The following DOCK2 variants were observed in gnomAD, a reference collection of about 807,000 sequenced individuals.
The protein encoded by DOCK2 is dedicator of cytokinesis 2, also known as dedicator of cytokinesis protein 2.
A neutral mutation model predicts 248.9 loss-of-function variants in DOCK2; 87 were observed. The observed-to-expected ratio is 0.35, with a 90% CI of 0.29 to 0.42. The LOEUF is 0.42. Among genes scored for constraint, DOCK2 ranks in the 10% least tolerant of loss-of-function variants. The pLI, the probability that DOCK2 is intolerant of heterozygous loss-of-function variation, is 1.00. For missense variants in DOCK2, 1,747 were observed against 2,300.2 expected, an observed-to-expected ratio of 0.76 and a Z score of 4.92; for synonymous variants, 805 against 821.6, an observed-to-expected ratio of 0.98 and a Z score of 0.35.
chr5:169,900,661 T>G (rs1047512289), intron 27 of DOCK2, among the ~76,000 whole-genome samples: 1 of 152,222 alleles, frequency 6.6e-6, no homozygotes, highest in African/African-American at 2.4e-5. Flanking sequence ...ATTAGCAGTA[T>G]TACATGCTTT....
At chr5:170,071,489 G>A (rs749483536) in intron 46 of DOCK2, among the ~76,000 whole-genome samples, 6 of 152,184 alleles carry the variant, frequency 3.9e-5, no homozygotes, top group Non-Finnish European at 5.9e-5. Flanking sequence ...CAGATTTCAA[G>A]ATCGATAGCT....
chr5:170,050,812 G>A (rs949503031), intron 41 of DOCK2, among the ~76,000 whole-genome samples: 1 of 152,104 alleles, frequency 6.6e-6, no homozygotes, highest in African/African-American at 2.4e-5. Context: ...TCAATACATT[G>A]TAAATGTTGC....
chr5:169,773,808 T>C (rs1463719626), intron 25 of DOCK2, among the ~76,000 whole-genome samples: 2 of 152,182 alleles, frequency 1.3e-5, no homozygotes, highest in East Asian at 1.9e-4. Flanking sequence ...GATAATTGAA[T>C]CATGGGGGCA....
At chr5:169,789,614 G>C (rs1327994254) in intron 25 of DOCK2, among the ~76,000 whole-genome samples, 4 of 152,084 alleles carry the variant, frequency 2.6e-5, no homozygotes, top group Admixed American at 6.6e-5. Context: ...TTTTATTGCT[G>C]TAGAGTCCAA....
At chr5:170,036,458 G>T in intron 35 of DOCK2, 57 bp from the exon 36 acceptor site, 5 of 1,558,006 alleles carry the variant, frequency 3.2e-6, no homozygotes, top group South Asian at 1.1e-5. Flanking sequence ...CCACACCCTT[G>T]ACCGCTGTGA....
chr5:169,990,102 T>C (rs1001326664), intron 29 of DOCK2, among the ~76,000 whole-genome samples: 4 of 151,382 alleles, frequency 2.6e-5, no homozygotes, highest in African/African-American at 4.9e-5. Context: ...TTTTTTTTCT[T>C]CTTCTTTTTC....
chr5:169,996,464 C>CT (rs530299605), intron 30 of DOCK2, among the ~76,000 whole-genome samples: 5 of 152,038 alleles, frequency 3.3e-5, no homozygotes, highest in Non-Finnish European at 5.9e-5. Context: ...AATGTATCAC[C>CT]TTTTTTTTAC....
chr5:169,846,651 T>C (rs1326205964), intron 27 of DOCK2, among the ~76,000 whole-genome samples: 4 of 151,410 alleles, frequency 2.6e-5, no homozygotes, highest in African/African-American at 2.4e-5. Context: ...TGTACATATA[T>C]ACACACACAT....
chr5:169,920,234 C>T (rs557774622), intron 27 of DOCK2, among the ~76,000 whole-genome samples: 1 of 151,936 alleles, frequency 6.6e-6, no homozygotes, highest in Non-Finnish European at 1.5e-5. Flanking sequence ...ATTGCTGGCA[C>T]CATAATAATG....
intron 27 of DOCK2, among the ~76,000 whole-genome samples, chr5:169,925,550 AGCCTGG>A (rs1775395298): frequency 1.5e-5 from 2 of 136,146 alleles, no homozygotes; most frequent in South Asian, 5.1e-4. Context: ...ACTGAACTCC[AGCCTGG>A]GCGACAGAGC....
chr5:169,822,165 A>G (rs1007819805), intron 26 of DOCK2, among the ~76,000 whole-genome samples: 1 of 152,218 alleles, frequency 6.6e-6, no homozygotes, highest in Non-Finnish European at 1.5e-5. Flanking sequence ...ACACAATAAT[A>G]ATGGGAGACT....
At chr5:169,743,943 A>G (rs113520126) in intron 22 of DOCK2, among the ~76,000 whole-genome samples, 5,178 of 149,812 alleles carry the variant, frequency 0.035, 114 homozygotes, top group African/African-American at 0.058. Flanking sequence ...ATATATATAT[A>G]TGTACTTTTC....
intron 22 of DOCK2, among the ~76,000 whole-genome samples, chr5:169,720,105 C>A (rs1762112535): frequency 6.6e-6 from 1 of 152,296 alleles, no homozygotes; most frequent in Middle Eastern, 3.4e-3. Context: ...AACAAATGCA[C>A]TTAGGTCATT....
At chr5:169,680,933 G>GTTAT (rs1383549491) in intron 6 of DOCK2, among the ~76,000 whole-genome samples, 2 of 151,494 alleles carry the variant, frequency 1.3e-5, no homozygotes, top group Non-Finnish European at 2.9e-5. Context: ...TTGTTTTATT[G>GTTAT]TTATTTATTT....
chr5:169,749,444 G>A (rs929164748), intron 23 of DOCK2, among the ~76,000 whole-genome samples: 4 of 152,092 alleles, frequency 2.6e-5, no homozygotes, highest in Middle Eastern at 3.4e-3. Context: ...TATTCTGAGT[G>A]TTGAAAACAC....
Position 170,056,744 on chromosome 5 carries a change from C to A in DOCK2, c.4356C>A (p.Thr1452=). The change falls in exon 43 of 52, where the codon ACC becomes ACA. Residue 1452 remains threonine (T), a synonymous_variant. Coordinates refer to ENST00000520908, the MANE Select transcript of DOCK2 (RefSeq NM_004946.3). ...ACTCCCGGCCCGTGCGCAGGGGGAC[C>A]GTAGACCCAGAGAATGAGTTTGCTG... The part of the protein sequence containing the change: ...FHYSRPVRRG[T]VDPENEFASM... The A allele has an allele frequency of 1.9e-6, 3 of 1,614,000 alleles. No individual in the cohort carries two copies. Among genetic ancestry groups the A allele is most frequent in the Non-Finnish European group, 1.7e-6 (2 of 1,179,938 alleles).
chr5:169,819,788 C>A (rs1001514360), intron 26 of DOCK2, among the ~76,000 whole-genome samples: 2 of 152,172 alleles, frequency 1.3e-5, no homozygotes, highest in Non-Finnish European at 2.9e-5. Flanking sequence ...ACAGTGGGGG[C>A]AGCACACCGA....
chr5:170,027,963 CTG>C lies in DOCK2; in HGVS notation c.3467+21_3467+22del. ...CTGGAGTCAATGTAAGTTCAGTGCC[CTG>C]TGTGTAGGAACAGCCTGTGAAGGTC... On this transcript the variant is annotated intron_variant, in intron 34 of 51. Transcript: ENST00000520908. 1 of 1,606,774 alleles carries C rather than the reference CTG, an allele frequency of 6.2e-7. No homozygotes were observed. The highest frequency in any genetic ancestry group is 8.5e-7 in the Non-Finnish European group (1 of 1,175,880).
At chr5:170,055,775 A>C (rs1757105398) in intron 42 of DOCK2, among the ~76,000 whole-genome samples, 1 of 152,248 alleles carries the variant, frequency 6.6e-6, no homozygotes, top group African/African-American at 2.4e-5. Context: ...TGCTGAGCAC[A>C]TGCTCCCAGA....
Sources: allele counts gnomAD v4.1 joint callset (sites outside exome capture counted in the v4.1 genomes callset), GRCh38; gene constraint gnomAD v4.1.1; transcripts MANE v1.5; gene names NCBI Gene and HGNC (gene_info 2026-07-23, HGNC 2026-07-21).